PAPSS1: variants seen among roughly 807,000 people sequenced by gnomAD.
PAPSS1 encodes bifunctional 3'-phosphoadenosine 5'-phosphosulfate synthase 1.
PAPSS1 carries 50 observed loss-of-function variants against 72.0 expected under a neutral mutation model. The ratio of observed to expected loss-of-function variants is 0.69; its 90% confidence interval spans 0.55 to 0.88. The LOEUF (loss-of-function observed/expected upper bound fraction) is 0.88, where lower values mean the gene tolerates loss of function less well. Ranked by LOEUF, PAPSS1 falls within the 40% of genes least tolerant of loss-of-function variation. PAPSS1 has a pLI of 0.00. For missense variants in PAPSS1, 657 were observed against 782.2 expected, an observed-to-expected ratio of 0.84 and a Z score of 1.91; for synonymous variants, 261 against 263.6, an observed-to-expected ratio of 0.99 and a Z score of 0.09.
At chr4:107,694,161 T>C (rs1308540439) in intron 2 of PAPSS1, 155 bp from the exon 3 acceptor site, 1 of 596,146 alleles carries the variant, frequency 1.7e-6, no homozygotes, top group Non-Finnish European at 3.0e-6. Flanking sequence ...ACTCCTGGAC[T>C]CAAGAGATCA....
chr4:107,678,719 A>G (rs901126783), intron 5 of PAPSS1, among the ~76,000 whole-genome samples: 2 of 152,202 alleles, frequency 1.3e-5, no homozygotes, highest in African/African-American at 4.8e-5. Context: ...AAGCATGCCT[A>G]TGGCAGGTGC....
At chr4:107,698,499 A>C (rs1723127683) in intron 2 of PAPSS1, among the ~76,000 whole-genome samples, 1 of 152,198 alleles carries the variant, frequency 6.6e-6, no homozygotes, top group South Asian at 2.1e-4. Context: ...TGAAAACCTG[A>C]ACAGAATAAC....
At chr4:107,649,047 G>T (rs1454602158) in intron 9 of PAPSS1, among the ~76,000 whole-genome samples, 1 of 152,176 alleles carries the variant, frequency 6.6e-6, no homozygotes, top group East Asian at 1.9e-4. Context: ...AAAGTAAGAT[G>T]TTGACTACAA....
chr4:107,630,164 T>G (rs1019320169), intron 11 of PAPSS1, among the ~76,000 whole-genome samples: 1 of 152,086 alleles, frequency 6.6e-6, no homozygotes, highest in African/African-American at 2.4e-5. Context: ...ATTAAATGAC[T>G]GGTATCATCA....
At chr4:107,683,335 T>A (rs908317948) in intron 4 of PAPSS1, among the ~76,000 whole-genome samples, 33 of 148,686 alleles carry the variant, frequency 2.2e-4, no homozygotes, top group African/African-American at 8.1e-4. Context: ...GTATTCCCAT[T>A]TAGCAGTGGG....
Position 107,614,151 on chromosome 4 carries a change from A to G in PAPSS1, c.*98T>C. 1.6e-6 allele frequency: 2 copies of G among 1,264,626 alleles called. No homozygotes were observed. Among genetic ancestry groups the G allele is most frequent in the Non-Finnish European group, 2.2e-6 (2 of 906,442 alleles). 78.3% of individuals were successfully genotyped at this position (1,264,626 alleles called of 1,614,324 possible). A position where few individuals can be genotyped will look rare whatever the true frequency, so the allele number is the denominator to read the frequency against. Reference sequence around the variant, plus strand: ...GGAAAATGGTCTGTTTTTAGGAAGCATGTCCAGACAGACACCACAAAGAAA... The same window carrying G: ...GGAAAATGGTCTGTTTTTAGGAAGCGTGTCCAGACAGACACCACAAAGAAA... On this transcript the variant is annotated 3_prime_UTR_variant, in exon 12 of 12. Transcript: ENST00000265174.
chr4:107,630,681 T>C (rs1467599246), intron 11 of PAPSS1, among the ~76,000 whole-genome samples: 1 of 152,228 alleles, frequency 6.6e-6, no homozygotes, highest in Non-Finnish European at 1.5e-5. Context: ...CCTAAGATCT[T>C]TGAAGACAGA....
At chr4:107,641,604 T>C (rs1281830580) in intron 10 of PAPSS1, among the ~76,000 whole-genome samples, 1 of 152,204 alleles carries the variant, frequency 6.6e-6, no homozygotes. Context: ...AGTTGTGGGG[T>C]AACCTAACGC....
chr4:107,681,001 C>A (rs963189517), intron 5 of PAPSS1, among the ~76,000 whole-genome samples: 9 of 151,894 alleles, frequency 5.9e-5, no homozygotes, highest in African/African-American at 2.2e-4. Context: ...AGTTACCTAC[C>A]TGGTAGATAT....
At chr4:107,715,768 G>A (rs1723623030) in intron 1 of PAPSS1, among the ~76,000 whole-genome samples, 1 of 152,278 alleles carries the variant, frequency 6.6e-6, no homozygotes, top group Non-Finnish European at 1.5e-5. Context: ...AATATTTGAG[G>A]AGCTAATAAA....
chr4:107,707,455 C>G (rs371751603), intron 1 of PAPSS1, among the ~76,000 whole-genome samples: 1 of 152,134 alleles, frequency 6.6e-6, no homozygotes, highest in Non-Finnish European at 1.5e-5. Flanking sequence ...CCAGGGTAGG[C>G]TTGGACGCTC....
At chr4:107,669,711 C>T (rs934107144) in intron 5 of PAPSS1, among the ~76,000 whole-genome samples, 11 of 152,120 alleles carry the variant, frequency 7.2e-5, no homozygotes, top group Non-Finnish European at 5.9e-5. Flanking sequence ...GAGGGTGATA[C>T]CAAAAGAAAG....
intron 11 of PAPSS1, among the ~76,000 whole-genome samples, chr4:107,619,549 T>C (rs1201445196): frequency 6.6e-6 from 1 of 152,092 alleles, no homozygotes; most frequent in Non-Finnish European, 1.5e-5. Flanking sequence ...CAAATGGACA[T>C]TATTTTACAG....
intron 11 of PAPSS1, among the ~76,000 whole-genome samples, chr4:107,630,815 ATACT>A (rs1726208610): frequency 6.6e-6 from 1 of 152,134 alleles, no homozygotes; most frequent in Non-Finnish European, 1.5e-5. Context: ...ATGCCTCTAG[ATACT>A]CACCTACAAA....
intron 11 of PAPSS1, among the ~76,000 whole-genome samples, chr4:107,621,941 T>A (rs1166788404): frequency 6.6e-6 from 1 of 152,094 alleles, no homozygotes; most frequent in Non-Finnish European, 1.5e-5. Flanking sequence ...AGACAGGTTT[T>A]TCAGAGTGAG....
intron 11 of PAPSS1, among the ~76,000 whole-genome samples, chr4:107,623,304 C>T (rs1726016256): frequency 1.3e-5 from 2 of 151,932 alleles, no homozygotes; most frequent in African/African-American, 2.4e-5. Flanking sequence ...GCTTATGGTG[C>T]TTTGTTGCCT....
At chr4:107,707,379 T>C (rs1391918333) in intron 1 of PAPSS1, among the ~76,000 whole-genome samples, 3 of 152,150 alleles carry the variant, frequency 2.0e-5, no homozygotes, top group Admixed American at 6.5e-5. Context: ...CTTGCATCAA[T>C]TGGGTCTGGC....
chr4:107,647,225 C>T lies in PAPSS1; in HGVS notation c.1238-2155G>A, dbSNP rs182580479. 2.6e-4 allele frequency among the ~76,000 whole-genome samples: 40 copies of T among 152,328 alleles called. No homozygotes were observed. In the East Asian group the frequency reaches 7.5e-3, roughly 29 times the overall value. Reference sequence around the variant, plus strand: ...TAAAAGGAATATAGTTCCTTCAACTCCAGCAGGACATGACAATATTCCTTC... The same window carrying T: ...TAAAAGGAATATAGTTCCTTCAACTTCAGCAGGACATGACAATATTCCTTC... On this transcript the variant is annotated intron_variant, in intron 9 of 11. Coordinates refer to ENST00000265174, the MANE Select transcript of PAPSS1 (RefSeq NM_005443.5).
chr4:107,717,709 T>C (rs898351789), intron 1 of PAPSS1, among the ~76,000 whole-genome samples: 1 of 152,200 alleles, frequency 6.6e-6, no homozygotes, highest in Non-Finnish European at 1.5e-5. Context: ...CTCCTTTGTG[T>C]TTAACTAATA....
Sources: gnomAD v4.1 joint callset for allele counts (sites outside exome capture counted in the v4.1 genomes callset) on GRCh38, gnomAD v4.1.1 for gene constraint, MANE v1.5 for transcripts, NCBI Gene and HGNC (gene_info 2026-07-23, HGNC 2026-07-21) for gene names.